Variants in IQCH observed in about 807,000 individuals in gnomAD.
The protein encoded by IQCH is IQ motif containing H.
A neutral mutation model predicts 117.0 loss-of-function variants in IQCH; 98 were observed. That is an observed-to-expected ratio of 0.84 (90% CI 0.71 to 0.99). The LOEUF (loss-of-function observed/expected upper bound fraction) is 0.99. Among genes scored for constraint, IQCH ranks in the 50% least tolerant of loss-of-function variants. The pLI is 0.00. For synonymous variants in IQCH, 412 were observed against 448.2 expected, an observed-to-expected ratio of 0.92 and a Z score of 1.02; for missense variants, 1,102 against 1,243.8, an observed-to-expected ratio of 0.89 and a Z score of 1.72.
Position 67,369,308 on chromosome 15 carries a change from A to G in IQCH, c.754-2803A>G, listed in dbSNP as rs936217658. Among the ~76,000 whole-genome samples the G allele has an allele frequency of 1.3e-5, 2 of 152,202 alleles. No homozygotes were observed. The highest frequency in any genetic ancestry group is 6.5e-5 in the Admixed American group (1 of 15,286). ...ACAGGTTTGGGCTTCATGTGGGCCA[A>G]TTAGTGAATACAGGCATCTCGCAAA... is the stretch of plus-strand genomic sequence containing the variant. On this transcript the variant is annotated intron_variant, in intron 8 of 20. Coordinates refer to ENST00000335894, the MANE Select transcript of IQCH (RefSeq NM_001031715.3). The surrounding 1 kb of genome is among the most constrained non-coding windows in gnomAD (Gnocchi z 5.2).
Position 67,254,893 on chromosome 15 carries a change from A to T in IQCH, c.-4A>T. 1 of 1,613,492 alleles carries T rather than the reference A, an allele frequency of 6.2e-7. No individual in the cohort carries two copies. The stretch of plus-strand genomic sequence containing the variant: ...CGCGGAGGTAGCCGTTCCCTGACCT[A>T]GCCATGGCACAGAACACTGAAAACC... On this transcript the variant is annotated 5_prime_UTR_variant, in exon 1 of 21. Coordinates refer to ENST00000335894, the MANE Select transcript of IQCH (RefSeq NM_001031715.3).
Position 67,400,322 on chromosome 15 carries a change from G to A in IQCH, c.2097+17G>A. Reference sequence around the variant, plus strand: ...TGGGCACAAGTGAGTATTCAATGGTGACTTAAACCCGCAGGGTCTGTGAAC... The same window carrying A: ...TGGGCACAAGTGAGTATTCAATGGTAACTTAAACCCGCAGGGTCTGTGAAC... On this transcript the variant is annotated intron_variant, in intron 14 of 20. Coordinates refer to ENST00000335894, the MANE Select transcript of IQCH (RefSeq NM_001031715.3). The A allele has an allele frequency of 1.9e-6, 3 of 1,592,834 alleles. No homozygotes were observed. The highest frequency in any genetic ancestry group is 1.7e-6 in the Non-Finnish European group (2 of 1,161,170).
At chr15:67,288,688 C>T (rs968390225) in intron 4 of IQCH, among the ~76,000 whole-genome samples, 4 of 152,054 alleles carry the variant, frequency 2.6e-5, no homozygotes, top group Non-Finnish European at 4.4e-5. Context: ...CTTGTTTTTG[C>T]ATCCATCCAG....
intron 16 of IQCH, among the ~76,000 whole-genome samples, chr15:67,440,716 T>G (rs551848848): frequency 6.6e-6 from 1 of 152,302 alleles, no homozygotes; most frequent in East Asian, 1.9e-4. Context: ...GGGACATAAC[T>G]TAATGTAGTA....
At chr15:67,309,078 A>G (rs1453627838) in intron 4 of IQCH, among the ~76,000 whole-genome samples, 1 of 152,130 alleles carries the variant, frequency 6.6e-6, no homozygotes, top group East Asian at 1.9e-4. Context: ...GGGATCTCCC[A>G]GAAACAGTCT....
intron 4 of IQCH, among the ~76,000 whole-genome samples, chr15:67,294,736 G>A (rs372954943): frequency 5.3e-5 from 8 of 152,222 alleles, no homozygotes; most frequent in Admixed American, 1.3e-4. Flanking sequence ...ACTAATGCTA[G>A]CAATTGACTA....
intron 18 of IQCH, among the ~76,000 whole-genome samples, chr15:67,488,828 G>A (rs760527352): frequency 6.6e-6 from 1 of 152,144 alleles, no homozygotes; most frequent in Admixed American, 6.5e-5. Flanking sequence ...TCTGACAGGA[G>A]ACGGAGCTCT....
chr15:67,294,943 A>G (rs1192965107), intron 4 of IQCH, among the ~76,000 whole-genome samples: 1 of 152,198 alleles, frequency 6.6e-6, no homozygotes, highest in Non-Finnish European at 1.5e-5. Flanking sequence ...GAGTAGCTAA[A>G]TATAGCTGCA....
rs926158146 is a variant in IQCH, at chr15:67,426,657, A to G, written c.2505+5080A>G. ...TGAAAAGCTAAATAGAACTTGGAAC[A>G]TAGTAACTGTGTATATTTACAAAAT... is the stretch of plus-strand genomic sequence containing the variant. On this transcript the variant is annotated intron_variant, in intron 16 of 20. Transcript: ENST00000335894. This position sits in a 1 kb window ranked among gnomAD's most constrained non-coding sequence, Gnocchi z 5.1. Among the ~76,000 whole-genome samples, 1 of 152,110 alleles carries G rather than the reference A, an allele frequency of 6.6e-6. No homozygotes were observed. Among genetic ancestry groups the G allele is most frequent in the Non-Finnish European group, 1.5e-5 (1 of 68,020 alleles).
intron 17 of IQCH, among the ~76,000 whole-genome samples, chr15:67,468,669 TTC>T (rs1469062531): frequency 6.6e-6 from 1 of 152,250 alleles, no homozygotes; most frequent in African/African-American, 2.4e-5. Context: ...TAAACAATAG[TTC>T]TGTGTTATTG....
rs11854844 is a variant in IQCH at position 67,454,919 on chromosome 15, C to T, written c.2506-10208C>T. ...GTTTTCATTTGTCTTGGTTATATAC[C>T]TAAGAGCAGAACTGATGGGTCAAAT... On this transcript the variant is annotated intron_variant, in intron 16 of 20. Coordinates refer to ENST00000335894, the MANE Select transcript of IQCH (RefSeq NM_001031715.3). The surrounding 1 kb of genome is among the most constrained non-coding windows in gnomAD (Gnocchi z 5.2). 6.6e-6 allele frequency among the ~76,000 whole-genome samples: 1 copy of T among 152,056 alleles called. No homozygotes were observed. Among genetic ancestry groups the T allele is most frequent in the Non-Finnish European group, 1.5e-5 (1 of 68,018 alleles).
intron 1 of IQCH, among the ~76,000 whole-genome samples, chr15:67,256,311 ATT>A (rs1180927487): frequency 6.6e-6 from 1 of 152,190 alleles, no homozygotes; most frequent in African/African-American, 2.4e-5. Flanking sequence ...TGCATAGAAT[ATT>A]GCAACTAGAG....
At chr15:67,442,799 A>G (rs2082302480) in intron 16 of IQCH, among the ~76,000 whole-genome samples, 1 of 151,806 alleles carries the variant, frequency 6.6e-6, no homozygotes, top group South Asian at 2.1e-4. Context: ...TCAATCAACA[A>G]GTGGATAAAG....
At chr15:67,320,911 G>T (rs1366917459) in intron 4 of IQCH, among the ~76,000 whole-genome samples, 1 of 152,136 alleles carries the variant, frequency 6.6e-6, no homozygotes, top group Admixed American at 6.6e-5. Flanking sequence ...AAGCCACCTG[G>T]AGTCACTAAC....
rs1247441746 is a variant in IQCH at position 67,416,972 on chromosome 15, T to C, written c.2139T>C (p.Ile713=). 6.2e-7 allele frequency: 1 copy of C among 1,607,112 alleles called. No homozygotes were observed. The highest frequency in any genetic ancestry group is 8.5e-7 in the Non-Finnish European group (1 of 1,176,870). Residue 713 remains isoleucine, a synonymous_variant, in exon 15 of 21, where the codon ATT becomes ATC. Coordinates refer to ENST00000335894, the MANE Select transcript of IQCH (RefSeq NM_001031715.3). The surrounding 1 kb of genome is among the most constrained non-coding windows in gnomAD (Gnocchi z 5.1). ...LVKISEELAG[I]LAQHAQPVNE... is the part of the protein sequence containing the mutation. ...AGATCTCTGAGGAGCTGGCGGGCAT[T>C]TTAGCACAGCACGCACAGCCAGTCA...
chr15:67,369,689 C>T lies in IQCH; in HGVS notation c.754-2422C>T, dbSNP rs957507791. Among the ~76,000 whole-genome samples, 1 of 152,230 alleles carries T rather than the reference C, an allele frequency of 6.6e-6. No individual in the cohort carries two copies. The highest frequency in any genetic ancestry group is 2.4e-5 in the African/African-American group (1 of 41,462). On this transcript the variant is annotated intron_variant, in intron 8 of 20. Coordinates refer to ENST00000335894, the MANE Select transcript of IQCH (RefSeq NM_001031715.3). The surrounding 1 kb of genome is among the most constrained non-coding windows in gnomAD (Gnocchi z 5.2). ...TAACAGAATGAGCCAGAACCTGAAG[C>T]ATGGCATGACCTTTAATCAGGGCTC...
Position 67,404,875 on chromosome 15 carries a change from C to A in IQCH, c.2097+4570C>A, listed in dbSNP as rs1412596664. The A allele has an allele frequency of 2.0e-5, 3 of 152,142 alleles. No homozygotes were observed. Among genetic ancestry groups the A allele is most frequent in the Non-Finnish European group, 4.4e-5 (3 of 68,018 alleles). The allele number at this position is 152,142 out of a possible 1,614,324, so 9.4% of individuals were successfully genotyped here. A position where few individuals can be genotyped will look rare whatever the true frequency, so the allele number is the denominator to read the frequency against. On this transcript the variant is annotated intron_variant, in intron 14 of 20. Coordinates refer to ENST00000335894, the MANE Select transcript of IQCH (RefSeq NM_001031715.3). The surrounding 1 kb of genome is among the most constrained non-coding windows in gnomAD (Gnocchi z 4.6). Reference sequence around the variant, plus strand: ...ACCTCTTTTTGCTTCTGTTGAGTTACTTCCCGAGGAGAAAGACCCAGGAGT... The same window carrying A: ...ACCTCTTTTTGCTTCTGTTGAGTTAATTCCCGAGGAGAAAGACCCAGGAGT...
chr15:67,331,621 T>C (rs1445030206), intron 4 of IQCH, among the ~76,000 whole-genome samples: 1 of 152,156 alleles, frequency 6.6e-6, no homozygotes, highest in Non-Finnish European at 1.5e-5. Flanking sequence ...AATCCAAAAA[T>C]ATAATGACTT....
chr15:67,303,639 C>T (rs1596140716), intron 4 of IQCH, among the ~76,000 whole-genome samples: 1 of 152,188 alleles, frequency 6.6e-6, no homozygotes, highest in South Asian at 2.1e-4. Context: ...AGGTCACACA[C>T]AGCAGTCGAG....
Sources: allele counts gnomAD v4.1 joint callset (sites outside exome capture counted in the v4.1 genomes callset), GRCh38; gene constraint gnomAD v4.1.1; non-coding constraint Gnocchi (gnomAD v3.1); transcripts MANE v1.5; gene names NCBI Gene and HGNC (gene_info 2026-07-23, HGNC 2026-07-21).